The following FAM200B variants were observed in gnomAD, a reference collection of about 807,000 sequenced individuals.
The protein encoded by FAM200B is protein FAM200B.
Under a neutral mutation model 33.1 loss-of-function variants are expected in FAM200B, and 32 were observed. The observed-to-expected ratio is 0.97, with a 90% CI of 0.73 to 1.30. The LOEUF (loss-of-function observed/expected upper bound fraction) is 1.30, where lower values mean the gene tolerates loss of function less well. Among genes scored for constraint, FAM200B ranks in the 50% most tolerant of loss-of-function variants. The probability of loss-of-function intolerance (pLI) is 0.00; values close to 1 mark genes in which losing one functional copy is unlikely to be tolerated. For synonymous variants in FAM200B, 240 were observed against 264.8 expected, an observed-to-expected ratio of 0.91 and a Z score of 0.91; for missense variants, 741 against 754.0, an observed-to-expected ratio of 0.98 and a Z score of 0.20.
the FAM200B span, among the ~76,000 whole-genome samples, chr4:15,666,101 A>G: frequency 0.28 from 42,064 of 151,842 alleles, 6,074 homozygotes; most frequent in East Asian, 0.47. Context: ...TTTCAGTTTA[A>G]AAATATGAAT....
chr4:15,640,632 T>C, the FAM200B span, among the ~76,000 whole-genome samples: 1 of 152,006 alleles, frequency 6.6e-6, no homozygotes, highest in South Asian at 2.1e-4. Context: ...AACGTTTTTT[T>C]TTTCCCTTGG....
chr4:15,671,870 C>A, the FAM200B span, among the ~76,000 whole-genome samples: 1 of 152,208 alleles, frequency 6.6e-6, no homozygotes, highest in Admixed American at 6.5e-5. Flanking sequence ...ATTTCACACA[C>A]TGCAGTTTTC....
chr4:15,675,063 A>T, the FAM200B span, among the ~76,000 whole-genome samples: 1 of 152,234 alleles, frequency 6.6e-6, no homozygotes, highest in Non-Finnish European at 1.5e-5. Flanking sequence ...CTGCCACTAC[A>T]AAACACTTTA....
chr4:15,655,100 G>T, the FAM200B span: 5 of 917,140 alleles, frequency 5.5e-6, no homozygotes, highest in Non-Finnish European at 7.0e-6. Context: ...CGCGGCGACG[G>T]CACGGGGCTG....
the FAM200B span, among the ~76,000 whole-genome samples, chr4:15,636,987 A>T: frequency 6.6e-6 from 1 of 152,356 alleles, no homozygotes; most frequent in Middle Eastern, 3.4e-3. Flanking sequence ...ATTAAGCAGC[A>T]TCACTTGAAA....
At chr4:15,655,911 C>G in the FAM200B span, among the ~76,000 whole-genome samples, 1 of 152,348 alleles carries the variant, frequency 6.6e-6, no homozygotes, top group South Asian at 2.1e-4. Context: ...GGTTGGTGAA[C>G]CAGAGCTGCG....
the FAM200B span, among the ~76,000 whole-genome samples, chr4:15,652,315 G>A: frequency 2.6e-5 from 4 of 152,250 alleles, no homozygotes; most frequent in South Asian, 6.2e-4. Context: ...ATTAAACTAG[G>A]AATCCTAACA....
the FAM200B span, among the ~76,000 whole-genome samples, chr4:15,637,209 G>A: frequency 2.6e-5 from 4 of 152,166 alleles, no homozygotes; most frequent in Non-Finnish European, 4.4e-5. Flanking sequence ...TTAACCTAGA[G>A]ATGCTTTAAA....
the FAM200B span, among the ~76,000 whole-genome samples, chr4:15,666,356 C>T: frequency 3.9e-5 from 6 of 151,944 alleles, no homozygotes; most frequent in African/African-American, 9.7e-5. Flanking sequence ...GCCATGATGG[C>T]GCCACTGCAC....
At chr4:15,646,300 G>C in the FAM200B span, among the ~76,000 whole-genome samples, 1 of 151,888 alleles carries the variant, frequency 6.6e-6, no homozygotes, top group Non-Finnish European at 1.5e-5. Flanking sequence ...AAATGTAAAA[G>C]TGATGCTTGG....
chr4:15,661,978 T>C, the FAM200B span, among the ~76,000 whole-genome samples: 4 of 152,232 alleles, frequency 2.6e-5, no homozygotes, highest in Admixed American at 1.3e-4. Context: ...GAGTTACTTA[T>C]AATATGGTAG....
At chr4:15,657,229 C>T in the FAM200B span, among the ~76,000 whole-genome samples, 1 of 152,122 alleles carries the variant, frequency 6.6e-6, no homozygotes, top group Admixed American at 6.6e-5. Context: ...CAGAATCAGA[C>T]CTCAGGTGAA....
chr4:15,644,550 A>T, the FAM200B span: 1 of 1,614,122 alleles, frequency 6.2e-7, no homozygotes, highest in Non-Finnish European at 8.5e-7. Flanking sequence ...GTTTATTGTC[A>T]GAATGTACAT....
In FAM200B at chr4:15,688,048, A is replaced by G. The variant is rs1719053321; in HGVS notation, c.1071A>G (p.Lys357=). Residue 357 remains lysine (K), a synonymous_variant, in exon 2 of 2, where the codon AAA becomes AAG. Coordinates refer to ENST00000422728, the MANE Select transcript of FAM200B (RefSeq NM_001145191.2). ...KNAVKVVNFI[K]GSSLNSRLLE... ...CAGTGAAAGTTGTTAATTTTATTAA[A>G]GGAAGCTCATTGAATAGCCGGCTTC... 1 of 1,551,112 alleles carries G rather than the reference A, an allele frequency of 6.4e-7. No homozygotes were observed. Among genetic ancestry groups the G allele is most frequent in the Non-Finnish European group, 8.7e-7 (1 of 1,146,738 alleles).
At chr4:15,645,944 A>T in the FAM200B span, among the ~76,000 whole-genome samples, 2 of 152,242 alleles carry the variant, frequency 1.3e-5, no homozygotes, top group African/African-American at 4.8e-5. Flanking sequence ...GGATATATCA[A>T]TGAACAAAAC....
Position 15,687,356 on chromosome 4 carries a change from A to T in FAM200B, c.379A>T (p.Lys127Ter). The T allele has an allele frequency of 6.5e-7, 1 of 1,545,302 alleles. No homozygotes were observed. Among genetic ancestry groups the T allele is most frequent in the Non-Finnish European group, 8.7e-7 (1 of 1,144,072 alleles). The change falls in exon 2 of 2, where the codon AAA (lysine) becomes TAA (stop). Residue 127 changes from lysine to a stop codon, truncating the protein, a stop_gained. Coordinates refer to ENST00000422728, the MANE Select transcript of FAM200B (RefSeq NM_001145191.2). LOFTEE classifies it high-confidence loss of function. ...TCTTGAATATTTTCAAAGAAAGAAA[A>T]AAGACATAAAGTTATCAACACAATT... Reference protein sequence around the residue: ...KPLEYFQRKKKDIKLSTQFLS... With the variant: ...KPLEYFQRKK
chr4:15,656,324 T>C, the FAM200B span: 1 of 456,190 alleles, frequency 2.2e-6, no homozygotes, highest in South Asian at 1.5e-5. Flanking sequence ...CAGTCTTAGA[T>C]TGGTTGGCTG....
the FAM200B span, among the ~76,000 whole-genome samples, chr4:15,644,199 T>C: frequency 6.6e-6 from 1 of 152,204 alleles, no homozygotes; most frequent in Non-Finnish European, 1.5e-5. Context: ...AGAATCCCCT[T>C]GGCCTTGATG....
At chr4:15,650,988 T>A in the FAM200B span, among the ~76,000 whole-genome samples, 1 of 152,160 alleles carries the variant, frequency 6.6e-6, no homozygotes, top group African/African-American at 2.4e-5. Flanking sequence ...TACAGCCTGG[T>A]TTCAAACTGA....
Sources: allele counts gnomAD v4.1 joint callset (sites outside exome capture counted in the v4.1 genomes callset), GRCh38; gene constraint gnomAD v4.1.1; transcripts MANE v1.5; gene names NCBI Gene and HGNC (gene_info 2026-07-23, HGNC 2026-07-21).